The following VPS45 variants were observed in gnomAD, a reference collection of about 807,000 sequenced individuals.
VPS45 encodes the protein vacuolar protein sorting-associated protein 45.
A neutral mutation model predicts 75.9 loss-of-function variants in VPS45; 35 were observed. That is an observed-to-expected ratio of 0.46 (90% CI 0.35 to 0.61). The LOEUF is 0.61. Among genes scored for constraint, VPS45 ranks in the 20% least tolerant of loss-of-function variants. The pLI is 0.00. For missense variants in VPS45, 559 were observed against 685.9 expected (o/e 0.81, Z 2.07); for synonymous variants, 220 against 238.2 (o/e 0.92, Z 0.70).
chr1:150,139,092 A>G (rs1244665386), intron 14 of VPS45, among the ~76,000 whole-genome samples: 1 of 151,930 alleles, frequency 6.6e-6, no homozygotes, highest in Non-Finnish European at 1.5e-5. Flanking sequence ...TTGTCCCCCA[A>G]CACCCCCTTC....
Position 150,145,015 on chromosome 1 carries a change from T to C in VPS45, c.*219T>C. 1 of 1,209,338 alleles carries C rather than the reference T, an allele frequency of 8.3e-7. No homozygotes were observed. Among genetic ancestry groups the C allele is most frequent in the Middle Eastern group, 2.8e-4 (1 of 3,536 alleles). The allele number at this position is 1,209,338 out of a possible 1,614,324, so 74.9% of individuals were successfully genotyped here. A position where few individuals can be genotyped will look rare whatever the true frequency, so the allele number is the denominator to read the frequency against. ...CTCAACCCACTTTTCTCCGGTAGTC[T>C]TTATGTATCTGTTAGCACAATCACT... On this transcript the variant is annotated 3_prime_UTR_variant, in exon 15 of 15. Coordinates refer to ENST00000644510, the MANE Select transcript of VPS45 (RefSeq NM_007259.5).
At chr1:150,071,851 G>A (rs1400955029) in intron 2 of VPS45, among the ~76,000 whole-genome samples, 2 of 151,434 alleles carry the variant, frequency 1.3e-5, no homozygotes, top group African/African-American at 4.9e-5. Context: ...CTTGATGTGA[G>A]TTTGCAGAAT....
intron 10 of VPS45, among the ~76,000 whole-genome samples, chr1:150,084,336 C>G (rs993024474): frequency 2.6e-5 from 4 of 152,006 alleles, no homozygotes; most frequent in African/African-American, 9.7e-5. Context: ...GGAAATGTAA[C>G]CTAGTAAGGA....
chr1:150,081,327 T>C lies in VPS45; in HGVS notation c.688-15T>C. On this transcript the variant is annotated splice_polypyrimidine_tract_variant and intron_variant, in intron 7 of 14. Transcript: ENST00000644510. ...TTCTGTCAGTTACCTTTTTTTTTCA[T>C]AATTCTTTATTTAGTGGACATATCA... 6.3e-7 allele frequency: 1 copy of C among 1,575,850 alleles called. No homozygotes were observed.
intron 14 of VPS45, among the ~76,000 whole-genome samples, chr1:150,126,407 G>T (rs1191968668): frequency 6.6e-6 from 1 of 151,758 alleles, no homozygotes; most frequent in Non-Finnish European, 1.5e-5. Flanking sequence ...TAGAAATGGG[G>T]TTTCACCATG....
intron 2 of VPS45, 185 bp downstream of exon 2, chr1:150,068,949 C>A: frequency 1.7e-6 from 1 of 580,916 alleles, no homozygotes; most frequent in Non-Finnish European, 2.8e-6. Flanking sequence ...CCCTTACAGC[C>A]AGTTCTTCCT....
At position 150,068,866 on chromosome 1, in the gene VPS45, G is replaced by A. The variant is rs74127405; in HGVS notation, c.228+102G>A. On this transcript the variant is annotated intron_variant, in intron 2 of 14. Coordinates refer to ENST00000644510, the MANE Select transcript of VPS45 (RefSeq NM_007259.5). ...TAAATTTGTATTATCATAATTTGTG[G>A]CATCATAATTATCCTGGTTCATCAG... The A allele has an allele frequency of 6.0e-3, 7,446 of 1,236,358 alleles. 304 individuals are homozygous for A. In the African/African-American group the frequency reaches 0.096, roughly 16 times the overall value. 76.6% of individuals were successfully genotyped at this position (1,236,358 alleles called of 1,614,324 possible).
intron 13 of VPS45, among the ~76,000 whole-genome samples, chr1:150,105,732 T>C (rs1184193721): frequency 6.6e-6 from 1 of 152,178 alleles, no homozygotes; most frequent in Admixed American, 6.5e-5. Flanking sequence ...TTTACCAACA[T>C]CATTCTTCAC....
At position 150,145,060 on chromosome 1, in the gene VPS45, G is replaced by T; in HGVS notation, c.*264G>T. The T allele has an allele frequency of 5.7e-6, 5 of 876,726 alleles. No homozygotes were observed. In the South Asian group the frequency reaches 7.0e-5, roughly 12 times the overall value. The allele number at this position is 876,726 out of a possible 1,614,324, so 54.3% of individuals were successfully genotyped here. ...ATCACTTCAGTTACTGATGAATTTT[G>T]TTGGGATCTGACTTGGGGAAAGGGT... On this transcript the variant is annotated 3_prime_UTR_variant, in exon 15 of 15. Transcript: ENST00000644510.
At chr1:150,069,697 C>A (rs1654933011) in intron 2 of VPS45, among the ~76,000 whole-genome samples, 1 of 152,092 alleles carries the variant, frequency 6.6e-6, no homozygotes, top group Admixed American at 6.5e-5. Flanking sequence ...ACCTCATGAT[C>A]CGCCCGCCTT....
Position 150,144,842 on chromosome 1 carries a change from A to G in VPS45, c.*46A>G. Reference sequence around the variant, plus strand: ...CACAGCTTCCTCTCTTGTCCCCACTACAGGTTTTCCCTACTAAACAAAGGT... The same window carrying G: ...CACAGCTTCCTCTCTTGTCCCCACTGCAGGTTTTCCCTACTAAACAAAGGT... On this transcript the variant is annotated 3_prime_UTR_variant, in exon 15 of 15. Coordinates refer to ENST00000644510, the MANE Select transcript of VPS45 (RefSeq NM_007259.5). The G allele has an allele frequency of 6.2e-7, 1 of 1,612,898 alleles. No individual in the cohort carries two copies. The highest frequency in any genetic ancestry group is 8.5e-7 in the Non-Finnish European group (1 of 1,179,638).
At chr1:150,136,799 A>G (rs1206535897) in intron 14 of VPS45, among the ~76,000 whole-genome samples, 1 of 149,964 alleles carries the variant, frequency 6.7e-6, no homozygotes, top group East Asian at 1.9e-4. Flanking sequence ...AAGGTGTACC[A>G]CATTTGAGAA....
At chr1:150,124,879 C>A (rs587669760) in intron 14 of VPS45, among the ~76,000 whole-genome samples, 1 of 151,818 alleles carries the variant, frequency 6.6e-6, no homozygotes, top group African/African-American at 2.4e-5. Context: ...TTTTTTTAAC[C>A]TAAATGTTTT....
At chr1:150,113,140 A>G (rs1475787298) in intron 14 of VPS45, among the ~76,000 whole-genome samples, 3 of 152,060 alleles carry the variant, frequency 2.0e-5, no homozygotes, top group Admixed American at 1.3e-4. Context: ...GGGACTGAAA[A>G]TTCAAAGTTT....
At chr1:150,068,852 T>TA (rs782757098) in intron 2 of VPS45, 88 bp downstream of exon 2, 8 of 1,300,326 alleles carry the variant, frequency 6.2e-6, no homozygotes, top group African/African-American at 1.5e-5. Context: ...AAATTTGTAT[T>TA]ATCATAATTT....
chr1:150,113,265 A>AT (rs1201698846), intron 14 of VPS45, among the ~76,000 whole-genome samples: 2 of 152,098 alleles, frequency 1.3e-5, no homozygotes, highest in African/African-American at 4.8e-5. Context: ...AGTACTCAGA[A>AT]AATTCTTAGG....
intron 14 of VPS45, among the ~76,000 whole-genome samples, chr1:150,112,440 T>C (rs1248116016): frequency 6.6e-6 from 1 of 152,198 alleles, no homozygotes; most frequent in Non-Finnish European, 1.5e-5. Flanking sequence ...ACATGATATC[T>C]TTACAGTCTA....
intron 10 of VPS45, among the ~76,000 whole-genome samples, chr1:150,085,219 G>A (rs587672594): frequency 3.4e-4 from 51 of 152,036 alleles, no homozygotes; most frequent in South Asian, 2.7e-3. Context: ...ATTGTGTCCC[G>A]TAACTAAATT....
At chr1:150,099,137 A>G in intron 13 of VPS45, 1 of 890,404 alleles carries the variant, frequency 1.1e-6, no homozygotes, top group Non-Finnish European at 1.4e-6. Context: ...CACAAAATAG[A>G]TAAAATGTTG....
Sources: gnomAD v4.1 joint callset for allele counts (sites outside exome capture counted in the v4.1 genomes callset) on GRCh38, gnomAD v4.1.1 for gene constraint, MANE v1.5 for transcripts, NCBI Gene and HGNC (gene_info 2026-07-23, HGNC 2026-07-21) for gene names.